ARSK: variants seen among roughly 807,000 people sequenced by gnomAD.
The protein encoded by ARSK is arylsulfatase family member K.
A neutral mutation model predicts 53.2 loss-of-function variants in ARSK; 37 were observed. The observed-to-expected ratio is 0.70, with a 90% CI of 0.54 to 0.92. The LOEUF (loss-of-function observed/expected upper bound fraction) is 0.92, where lower values mean the gene tolerates loss of function less well. ARSK is among the 40% of genes least tolerant of loss of function. ARSK has a pLI of 0.00. For missense variants in ARSK, 613 were observed against 643.0 expected (o/e 0.95, Z 0.51); for synonymous variants, 208 against 223.2 (o/e 0.93, Z 0.61).
Position 95,583,148 on chromosome 5 carries a change from G to C in ARSK, c.649G>C (p.Glu217Gln), listed in dbSNP as rs773779625. 1.3e-6 allele frequency: 2 copies of C among 1,598,498 alleles called. No homozygotes were observed. The highest frequency in any genetic ancestry group is 2.7e-5 in the African/African-American group (2 of 74,674). Residue 217 changes from glutamate (E) to glutamine (Q), a missense_variant, in exon 4 of 8, where the codon GAA (glutamate) becomes CAA (glutamine). Glu to Gln is a conservative substitution (Grantham distance 29, BLOSUM62 2). Transcript: ENST00000380009. Reference sequence around the variant, plus strand: ...CCCTTACCCTTCACCATCTTCTGGAGAAAATTTTGGATCTTCAACATTTCA... The same window carrying C: ...CCCTTACCCTTCACCATCTTCTGGACAAAATTTTGGATCTTCAACATTTCA... ...PHPYPSPSSG[E>Q]NFGSSTFHTS...
intron 3 of ARSK, among the ~76,000 whole-genome samples, chr5:95,580,736 G>A (rs1749008625): frequency 6.6e-6 from 1 of 152,142 alleles, no homozygotes; most frequent in Non-Finnish European, 1.5e-5. Context: ...AGAATGGAGA[G>A]TCATTGATTA....
intron 6 of ARSK, among the ~76,000 whole-genome samples, chr5:95,599,457 C>T (rs1749362387): frequency 6.6e-6 from 1 of 152,196 alleles, no homozygotes; most frequent in African/African-American, 2.4e-5. Flanking sequence ...ACAGACCACC[C>T]TTACCCAGCC....
chr5:95,563,283 T>A (rs1189279715), intron 1 of ARSK, among the ~76,000 whole-genome samples: 3 of 152,250 alleles, frequency 2.0e-5, no homozygotes, highest in South Asian at 2.1e-4. Context: ...GCAATTGATA[T>A]GCTTAATCCA....
In ARSK at chr5:95,603,907, A is replaced by AAAAAAT. The variant is rs1580235318; in HGVS notation, c.*392_*397dup. The AAAAAAT allele has an allele frequency of 6.5e-6, 1 of 152,736 alleles. No homozygotes were observed. The highest frequency in any genetic ancestry group is 6.5e-5 in the Admixed American group (1 of 15,304). The allele number at this position is 152,736 out of a possible 1,614,324, so 9.5% of individuals were successfully genotyped here. On this transcript the variant is annotated 3_prime_UTR_variant, in exon 8 of 8. Coordinates refer to ENST00000380009, the MANE Select transcript of ARSK (RefSeq NM_198150.3). The stretch of plus-strand genomic sequence containing the variant: ...GGCAACAGAGTGAGACTGTGTCGCA[A>AAAAAAT]AAAAATAAAAATAAAATAATAATAA...
chr5:95,564,153 T>A (rs1022740027), intron 1 of ARSK, among the ~76,000 whole-genome samples: 4 of 151,946 alleles, frequency 2.6e-5, no homozygotes, highest in African/African-American at 9.7e-5. Flanking sequence ...AATTTTTGTA[T>A]TTTTAGTAGA....
At chr5:95,563,439 C>G (rs889450905) in intron 1 of ARSK, among the ~76,000 whole-genome samples, 1 of 152,192 alleles carries the variant, frequency 6.6e-6, no homozygotes, top group Non-Finnish European at 1.5e-5. Context: ...ATATATATCT[C>G]AGACAGCAAT....
At chr5:95,576,187 C>T (rs80103833) in intron 3 of ARSK, among the ~76,000 whole-genome samples, 6,356 of 149,226 alleles carry the variant, frequency 0.043, 193 homozygotes, top group East Asian at 0.11. Context: ...TGATGTCTCA[C>T]GTAAGTGTAT....
chr5:95,601,093 T>C (rs1257528712), intron 7 of ARSK, 22 bp downstream of exon 7: 4 of 1,582,130 alleles, frequency 2.5e-6, no homozygotes, highest in African/African-American at 1.3e-5. Flanking sequence ...AATATATTTT[T>C]AAGTGTAATA....
rs980640323 is a variant in ARSK, at chr5:95,555,147, T to A, written c.-132T>A. On this transcript the variant is annotated 5_prime_UTR_variant, in exon 1 of 8. Coordinates refer to ENST00000380009, the MANE Select transcript of ARSK (RefSeq NM_198150.3). The surrounding 1 kb of genome is among the most constrained non-coding windows in gnomAD (Gnocchi z 4.0). ...GGAGTTGTAGTTCTGCGGGTGAAGCTCGGCGTTACTATCAAGCAACCAAAC... is the reference window on the plus strand; with the variant it reads ...GGAGTTGTAGTTCTGCGGGTGAAGCACGGCGTTACTATCAAGCAACCAAAC... 8.6e-5 allele frequency: 63 copies of A among 736,362 alleles called. No individual in the cohort carries two copies. The highest frequency in any genetic ancestry group is 6.6e-5 in the Non-Finnish European group (31 of 471,004). 45.6% of individuals were successfully genotyped at this position (736,362 alleles called of 1,614,324 possible).
chr5:95,567,946 C>G lies in ARSK; in HGVS notation c.313C>G (p.Leu105Val), dbSNP rs368795148. ...AGAATCTTGGAATAATTTTAAGGGT[C>G]TAGATCCAAATTATACAACATGGAT... ...LTESWNNFKG[L>V]DPNYTTWMDV... The change falls in exon 3 of 8, where the codon CTA (leucine) becomes GTA (valine). Residue 105 changes from leucine to valine, a missense_variant. Physicochemically the swap from Leu to Val is conservative, Grantham distance 32. Coordinates refer to ENST00000380009, the MANE Select transcript of ARSK (RefSeq NM_198150.3). 6.9e-5 allele frequency: 111 copies of G among 1,612,272 alleles called. No homozygotes were observed. Among genetic ancestry groups the G allele is most frequent in the Admixed American group, 2.3e-4 (14 of 59,828 alleles).
At position 95,582,137 on chromosome 5, in the gene ARSK, G is replaced by A. The variant is rs145338858; in HGVS notation, c.417-779G>A. ...TTCTCAATTGATAGATCACTTCAGAGATACCTATTTCAACAGAAACTTAAA... is the reference window on the plus strand; with the variant it reads ...TTCTCAATTGATAGATCACTTCAGAAATACCTATTTCAACAGAAACTTAAA... On this transcript the variant is annotated intron_variant, in intron 3 of 7. Transcript: ENST00000380009. Among the ~76,000 whole-genome samples, 277 of 152,148 alleles carry A rather than the reference G, an allele frequency of 1.8e-3. 2 individuals are homozygous for A. The highest frequency in any genetic ancestry group is 6.5e-3 in the African/African-American group (270 of 41,536).
At chr5:95,576,850 C>T (rs1748932776) in intron 3 of ARSK, among the ~76,000 whole-genome samples, 1 of 152,150 alleles carries the variant, frequency 6.6e-6, no homozygotes, top group African/African-American at 2.4e-5. Context: ...TACCTCACAG[C>T]TGCATCTTTA....
intron 3 of ARSK, among the ~76,000 whole-genome samples, chr5:95,569,778 A>G (rs1357501724): frequency 6.6e-6 from 1 of 152,340 alleles, no homozygotes; most frequent in Non-Finnish European, 1.5e-5. Flanking sequence ...GTTTTGGGTA[A>G]ACAGATACTA....
intron 1 of ARSK, among the ~76,000 whole-genome samples, chr5:95,560,247 C>G (rs1036991130): frequency 2.6e-5 from 4 of 151,278 alleles, no homozygotes; most frequent in Non-Finnish European, 5.9e-5. Flanking sequence ...GTTAATATAG[C>G]AGTACTCACC....
intron 4 of ARSK, 108 bp from the exon 5 acceptor site, chr5:95,586,454 C>T: frequency 1.2e-6 from 1 of 847,744 alleles, no homozygotes; most frequent in East Asian, 2.7e-5. Context: ...CTGTTCTTTT[C>T]TACTATTCTA....
chr5:95,571,510 T>C (rs1293653806), intron 3 of ARSK, among the ~76,000 whole-genome samples: 2 of 152,254 alleles, frequency 1.3e-5, no homozygotes, highest in Non-Finnish European at 2.9e-5. Flanking sequence ...TAGTATTTTG[T>C]ATATATCTAC....
Position 95,586,683 on chromosome 5 carries a change from A to C in ARSK, c.821A>C (p.Asn274Thr). The C allele has an allele frequency of 2.5e-6, 4 of 1,612,026 alleles. No homozygotes were observed. The highest frequency in any genetic ancestry group is 3.4e-6 in the Non-Finnish European group (4 of 1,178,846). Reference sequence around the variant, plus strand: ...AGATTTACAAAAAAAGAAATTAAGAATATTAGAGCATTTTATTATGCTATG... The same window carrying C: ...AGATTTACAAAAAAAGAAATTAAGACTATTAGAGCATTTTATTATGCTATG... ...TGRFTKKEIKNIRAFYYAMCA... is the reference protein window; with the variant it reads ...TGRFTKKEIKTIRAFYYAMCA... Residue 274 changes from asparagine to threonine, a missense_variant, in exon 5 of 8, where the codon AAT (asparagine) becomes ACT (threonine). Asn to Thr is a moderately conservative substitution (Grantham distance 65, BLOSUM62 0). Coordinates refer to ENST00000380009, the MANE Select transcript of ARSK (RefSeq NM_198150.3).
intron 1 of ARSK, among the ~76,000 whole-genome samples, chr5:95,559,739 A>G (rs1338310443): frequency 2.0e-5 from 3 of 152,142 alleles, no homozygotes; most frequent in African/African-American, 4.8e-5. Flanking sequence ...AGAACTTTAC[A>G]CTGAATGGTT....
chr5:95,597,363 A>AC (rs1749326568), intron 6 of ARSK, among the ~76,000 whole-genome samples: 1 of 152,158 alleles, frequency 6.6e-6, no homozygotes, highest in African/African-American at 2.4e-5. Flanking sequence ...TTGTTACAGG[A>AC]CCTTAGTGGA....
Sources: allele counts gnomAD v4.1 joint callset (sites outside exome capture counted in the v4.1 genomes callset), GRCh38; gene constraint gnomAD v4.1.1; non-coding constraint Gnocchi (gnomAD v3.1); transcripts MANE v1.5; gene names NCBI Gene and HGNC (gene_info 2026-07-23, HGNC 2026-07-21).